Variants in MRPL22 observed in about 807,000 individuals in gnomAD.
The protein encoded by MRPL22 is large ribosomal subunit protein uL22m.
A neutral mutation model predicts 32.4 loss-of-function variants in MRPL22; 27 were observed. The ratio of observed to expected loss-of-function variants is 0.83; its 90% CI spans 0.61 to 1.15. The LOEUF (loss-of-function observed/expected upper bound fraction) is 1.15, where lower values mean the gene tolerates loss of function less well. Ranked by LOEUF, MRPL22 falls within the 50% of genes most tolerant of loss-of-function variation. MRPL22 has a pLI of 0.00. For synonymous variants in MRPL22, 86 were observed against 87.3 expected (o/e 0.99, Z 0.08); for missense variants, 239 against 260.2 (o/e 0.92, Z 0.56).
At chr5:154,955,307 T>C (rs916997642) in intron 3 of MRPL22, 1 of 152,228 alleles carries the variant, frequency 6.6e-6, no homozygotes, top group Non-Finnish European at 1.5e-5. Context: ...AACTGCTCTT[T>C]CTAAGGCATT....
Position 154,941,242 on chromosome 5 carries a change from G to A in MRPL22, c.54G>A (p.Arg18=), listed in dbSNP as rs1287292431. 1 of 1,613,550 alleles carries A rather than the reference G, an allele frequency of 6.2e-7. No homozygotes were observed. The highest frequency in any genetic ancestry group is 1.7e-5 in the Admixed American group (1 of 60,012). The change falls in exon 2 of 7, where the codon AGG becomes AGA. Residue 18 remains arginine, a synonymous_variant. Transcript: ENST00000523037. ...QLGALWIHNL[R]SRGKLALGVL... is the part of the protein sequence containing the mutation. Reference sequence around the variant, plus strand: ...GTGCGTTATGGATACATAACCTGAGGAGCCGGGGGAAGCTGGCCTTGGGGT... The same window carrying A: ...GTGCGTTATGGATACATAACCTGAGAAGCCGGGGGAAGCTGGCCTTGGGGT...
At chr5:154,952,881 A>G (rs1764581852) in intron 3 of MRPL22, among the ~76,000 whole-genome samples, 1 of 152,212 alleles carries the variant, frequency 6.6e-6, no homozygotes, top group Admixed American at 6.5e-5. Context: ...TATATAGTCA[A>G]TAAATAACAG....
At chr5:154,947,230 C>G (rs1233069042) in intron 2 of MRPL22, among the ~76,000 whole-genome samples, 1 of 152,278 alleles carries the variant, frequency 6.6e-6, no homozygotes, top group African/African-American at 2.4e-5. Context: ...ATGACTTCCC[C>G]AAGGCCATTC....
intron 6 of MRPL22, among the ~76,000 whole-genome samples, chr5:154,960,413 G>A (rs528860824): frequency 6.6e-6 from 1 of 152,194 alleles, no homozygotes; most frequent in African/African-American, 2.4e-5. Context: ...ATAATCACAG[G>A]TGCATTTAAA....
At chr5:154,962,825 T>C (rs1168897066) in intron 6 of MRPL22, among the ~76,000 whole-genome samples, 2 of 152,220 alleles carry the variant, frequency 1.3e-5, no homozygotes, top group Non-Finnish European at 2.9e-5. Context: ...ATCAATCTTA[T>C]TGGCTGAGAG....
intron 5 of MRPL22, among the ~76,000 whole-genome samples, chr5:154,958,377 T>C (rs1433757657): frequency 6.6e-6 from 1 of 152,066 alleles, no homozygotes; most frequent in Non-Finnish European, 1.5e-5. Flanking sequence ...TAGTTGAGAT[T>C]GATAGATTCA....
At chr5:154,955,689 A>G (rs1764621001) in intron 3 of MRPL22, 1 of 152,470 alleles carries the variant, frequency 6.6e-6, no homozygotes, top group Non-Finnish European at 1.5e-5. Context: ...ATTAAACAGG[A>G]CATACCTACA....
At chr5:154,960,150 G>A in intron 6 of MRPL22, 101 bp downstream of exon 6, 1 of 823,232 alleles carries the variant, frequency 1.2e-6, no homozygotes. Flanking sequence ...TCAGGACTTG[G>A]TTTGTCAGTG....
At chr5:154,957,614 A>G (rs1203968192) in intron 5 of MRPL22, among the ~76,000 whole-genome samples, 1 of 151,736 alleles carries the variant, frequency 6.6e-6, no homozygotes, top group South Asian at 2.1e-4. Flanking sequence ...TTTTTTTCCT[A>G]TAAAGGAGAG....
chr5:154,943,073 A>C (rs764528162), intron 2 of MRPL22, among the ~76,000 whole-genome samples: 7 of 152,214 alleles, frequency 4.6e-5, no homozygotes, highest in Non-Finnish European at 8.8e-5. Context: ...GTAGAAAGGT[A>C]TAAATAATGT....
At chr5:154,952,661 A>G (rs571350643) in intron 3 of MRPL22, among the ~76,000 whole-genome samples, 4 of 152,204 alleles carry the variant, frequency 2.6e-5, no homozygotes, top group Non-Finnish European at 5.9e-5. Flanking sequence ...TATGACTGGG[A>G]ATACCGATAC....
chr5:154,945,075 C>T (rs1337014086), intron 2 of MRPL22, among the ~76,000 whole-genome samples: 1 of 152,114 alleles, frequency 6.6e-6, no homozygotes, highest in Non-Finnish European at 1.5e-5. Context: ...GTTATATGAT[C>T]TGACTTATGT....
At chr5:154,950,767 T>C in intron 2 of MRPL22, 54 bp from the exon 3 acceptor site, 2 of 1,149,194 alleles carry the variant, frequency 1.7e-6, no homozygotes, top group Non-Finnish European at 2.6e-6. Context: ...ATGTAAACTC[T>C]ACAGAAAGGT....
chr5:154,948,213 C>T (rs925751021), intron 2 of MRPL22, among the ~76,000 whole-genome samples: 1 of 152,126 alleles, frequency 6.6e-6, no homozygotes, highest in Non-Finnish European at 1.5e-5. Flanking sequence ...CCTGTACTCT[C>T]CCTCATCATA....
intron 6 of MRPL22, among the ~76,000 whole-genome samples, chr5:154,964,601 T>C (rs1430561406): frequency 6.6e-6 from 1 of 152,216 alleles, no homozygotes; most frequent in African/African-American, 2.4e-5. Context: ...TGTTTTTGTT[T>C]TGACATAAAG....
chr5:154,968,962 C>T lies in MRPL22; in HGVS notation c.*2065C>T, dbSNP rs1764809553. The stretch of plus-strand genomic sequence containing the variant: ...GGTACTATTTTAAGCACTATATATA[C>T]ATTATCTCAATGAATCTTTCCCATT... On this transcript the variant is annotated 3_prime_UTR_variant, in exon 7 of 7. Transcript: ENST00000523037. 6.6e-6 allele frequency: 1 copy of T among 152,240 alleles called. No homozygotes were observed. The highest frequency in any genetic ancestry group is 1.5e-5 in the Non-Finnish European group (1 of 68,046). 9.4% of individuals were successfully genotyped at this position (152,240 alleles called of 1,614,324 possible).
At chr5:154,950,596 G>T (rs528555106) in intron 2 of MRPL22, among the ~76,000 whole-genome samples, 1 of 152,276 alleles carries the variant, frequency 6.6e-6, no homozygotes, top group East Asian at 1.9e-4. Flanking sequence ...TCTATTAACG[G>T]TTTGACTTAT....
chr5:154,956,504 C>A, intron 4 of MRPL22, 68 bp downstream of exon 4: 1 of 993,816 alleles, frequency 1.0e-6, no homozygotes, highest in Non-Finnish European at 1.5e-6. Flanking sequence ...CCCCTCCCCA[C>A]CCCTCACCCC....
chr5:154,948,724 A>G (rs1239955352), intron 2 of MRPL22, among the ~76,000 whole-genome samples: 1 of 152,232 alleles, frequency 6.6e-6, no homozygotes, highest in Non-Finnish European at 1.5e-5. Context: ...CTAACTTTAT[A>G]CAAGTCAAAT....
Sources: gnomAD v4.1 joint callset for allele counts (sites outside exome capture counted in the v4.1 genomes callset) on GRCh38, gnomAD v4.1.1 for gene constraint, MANE v1.5 for transcripts, NCBI Gene and HGNC (gene_info 2026-07-23, HGNC 2026-07-21) for gene names.